The following TTI1 variants were observed in gnomAD, a reference collection of about 807,000 sequenced individuals.
TTI1 encodes TELO2-interacting protein 1 homolog.
TTI1 carries 52 observed loss-of-function variants against 85.4 expected under a neutral mutation model. That is an observed-to-expected ratio of 0.61 (90% CI 0.49 to 0.77). TTI1 has a LOEUF of 0.77. Among genes scored for constraint, TTI1 ranks in the 30% least tolerant of loss-of-function variants. The pLI, the probability that TTI1 is intolerant of heterozygous loss-of-function variation, is 0.00. For synonymous variants in TTI1, 512 were observed against 503.9 expected, an observed-to-expected ratio of 1.02 and a Z score of -0.22; for missense variants, 1,173 against 1,296.0, an observed-to-expected ratio of 0.91 and a Z score of 1.46.
At chr20:37,998,843 A>C (rs562060197) in intron 5 of TTI1, among the ~76,000 whole-genome samples, 2 of 152,278 alleles carry the variant, frequency 1.3e-5, no homozygotes, top group African/African-American at 4.8e-5. Context: ...ATCACTTACT[A>C]GCTGTTCGAT....
intron 1 of TTI1, among the ~76,000 whole-genome samples, chr20:38,032,653 T>C (rs770730732): frequency 7.2e-5 from 11 of 152,212 alleles, no homozygotes; most frequent in African/African-American, 1.4e-4. Flanking sequence ...GGCACGATCA[T>C]AGCTCACTGT....
chr20:38,030,829 T>C (rs977449601), intron 1 of TTI1, among the ~76,000 whole-genome samples: 8 of 152,196 alleles, frequency 5.3e-5, no homozygotes, highest in South Asian at 2.1e-4. Context: ...AACTGCCCCT[T>C]AGACATCTAT....
chr20:37,992,636 G>A (rs887807551), intron 7 of TTI1, among the ~76,000 whole-genome samples: 8 of 152,188 alleles, frequency 5.3e-5, no homozygotes, highest in Admixed American at 5.2e-4. Context: ...TTTTAGCCCA[G>A]GGTAAAAGGC....
chr20:37,991,106 T>A (rs2073258415), intron 7 of TTI1, among the ~76,000 whole-genome samples: 1 of 152,100 alleles, frequency 6.6e-6, no homozygotes, highest in Non-Finnish European at 1.5e-5. Context: ...TTTAGAACAA[T>A]GGGACTCAAA....
chr20:38,010,291 C>T (rs1289520746), intron 2 of TTI1, among the ~76,000 whole-genome samples: 1 of 152,106 alleles, frequency 6.6e-6, no homozygotes, highest in Non-Finnish European at 1.5e-5. Context: ...CAAAATGAGG[C>T]CAGTGACCAT....
Position 37,996,997 on chromosome 20 carries a change from C to G in TTI1, c.2794-44G>C, listed in dbSNP as rs759404562. 35 of 1,592,364 alleles carry G rather than the reference C, an allele frequency of 2.2e-5. 1 individual carries two copies. The Admixed American group carries it at 5.1e-4, about 23-fold the overall frequency. Reference sequence around the variant, plus strand: ...ACCTGGTGAGTGAACATTGCCAAGGCAGCAAGAGAGCTAAAGAATGCTTGG... The same window carrying G: ...ACCTGGTGAGTGAACATTGCCAAGGGAGCAAGAGAGCTAAAGAATGCTTGG... On this transcript the variant is annotated intron_variant, in intron 5 of 7. Coordinates refer to ENST00000373447, the MANE Select transcript of TTI1 (RefSeq NM_001303457.2).
At chr20:38,006,605 T>C (rs548705781) in intron 2 of TTI1, among the ~76,000 whole-genome samples, 13 of 152,240 alleles carry the variant, frequency 8.5e-5, no homozygotes, top group Non-Finnish European at 1.3e-4. Flanking sequence ...AACTCTTGCA[T>C]AGGCCGTTCT....
rs764472923 is a variant in TTI1 at position 38,011,804 on chromosome 20, A to G, written c.2013T>C (p.Ala671=). ...GDQTLLISQV[A]TSTMMDVCRA... ...GGCAAACGTCCATCATGGTGCTGGTAGCCACCTGACTAATGAGTAGGGTTT... is the reference window on the plus strand; with the variant it reads ...GGCAAACGTCCATCATGGTGCTGGTGGCCACCTGACTAATGAGTAGGGTTT... The change falls in exon 2 of 8, where the codon GCT becomes GCC. Residue 671 remains alanine, a synonymous_variant. Coordinates refer to ENST00000373447, the MANE Select transcript of TTI1 (RefSeq NM_001303457.2). 1.9e-6 allele frequency: 3 copies of G among 1,614,256 alleles called. No homozygotes were observed. In the Admixed American group the frequency reaches 5.0e-5, roughly 27 times the overall value.
chr20:38,025,156 A>T (rs2073820210), intron 1 of TTI1, among the ~76,000 whole-genome samples: 1 of 152,218 alleles, frequency 6.6e-6, no homozygotes, highest in African/African-American at 2.4e-5. Flanking sequence ...ACATTAGACT[A>T]AACAGCCTAA....
In TTI1 at chr20:38,012,167, T is replaced by C. The variant is rs758248079; in HGVS notation, c.1650A>G (p.Pro550=). Residue 550 remains proline, a synonymous_variant, in exon 2 of 8, where the codon CCA becomes CCG. Coordinates refer to ENST00000373447, the MANE Select transcript of TTI1 (RefSeq NM_001303457.2). ...ATGTCACAATCTCTCTCAGTTCTTCTGGGTTTGTTTTAATATGTTTTTCGT... is the reference window on the plus strand; with the variant it reads ...ATGTCACAATCTCTCTCAGTTCTTCCGGGTTTGTTTTAATATGTTTTTCGT... ...DLHEKHIKTN[P]EELREIVTSI... The C allele has an allele frequency of 6.2e-7, 1 of 1,614,216 alleles. No homozygotes were observed.
chr20:37,993,928 G>C (rs1483013706), intron 7 of TTI1, among the ~76,000 whole-genome samples: 1 of 152,212 alleles, frequency 6.6e-6, no homozygotes, highest in Non-Finnish European at 1.5e-5. Flanking sequence ...GAGGTCTGTT[G>C]TTCTGGTGGG....
chr20:37,989,197 T>G (rs1156534713), intron 7 of TTI1, among the ~76,000 whole-genome samples: 1 of 152,244 alleles, frequency 6.6e-6, no homozygotes, highest in African/African-American at 2.4e-5. Context: ...CAATTACCTT[T>G]GCAGCTATAC....
chr20:38,030,528 A>AAAACACACAC (rs2073892933), intron 1 of TTI1, among the ~76,000 whole-genome samples: 1 of 144,840 alleles, frequency 6.9e-6, no homozygotes, highest in African/African-American at 2.6e-5. Flanking sequence ...CAGTATGTAA[A>AAAACACACAC]ACACACACAC....
intron 7 of TTI1, among the ~76,000 whole-genome samples, chr20:37,984,603 C>T (rs557259130): frequency 6.6e-6 from 1 of 152,330 alleles, no homozygotes; most frequent in South Asian, 2.1e-4. Flanking sequence ...GCAGGGCCTC[C>T]CAGCCAGTCT....
chr20:38,001,127 T>C (rs893121261), intron 4 of TTI1, among the ~76,000 whole-genome samples: 1 of 152,180 alleles, frequency 6.6e-6, no homozygotes, highest in Non-Finnish European at 1.5e-5. Context: ...AAGACAGGGA[T>C]TGTGTCTGCA....
At chr20:38,023,036 T>C (rs966871911) in intron 1 of TTI1, among the ~76,000 whole-genome samples, 3 of 152,050 alleles carry the variant, frequency 2.0e-5, no homozygotes, top group Non-Finnish European at 4.4e-5. Context: ...GAGATAGGAG[T>C]TCAGATGTAA....
At position 38,012,790 on chromosome 20, in the gene TTI1, C is replaced by T; in HGVS notation, c.1027G>A (p.Glu343Lys). The change falls in exon 2 of 8, where the codon GAG (glutamate) becomes AAG (lysine). Residue 343 changes from glutamate (E) to lysine (K), a missense_variant. Coordinates refer to ENST00000373447, the MANE Select transcript of TTI1 (RefSeq NM_001303457.2). ...LKALVGLVND[E>K]SPEIQAQCNK... ...CACTGGGCTTGGATTTCAGGACTCT[C>T]ATCATTTACTAGTCCCACTAAGGCC... is the stretch of plus-strand genomic sequence containing the variant. 5 of 1,614,188 alleles carry T rather than the reference C, an allele frequency of 3.1e-6. No individual in the cohort carries two copies. Among genetic ancestry groups the T allele is most frequent in the Non-Finnish European group, 4.2e-6 (5 of 1,180,036 alleles).
chr20:37,990,399 G>A (rs1438586285), intron 7 of TTI1, among the ~76,000 whole-genome samples: 1 of 152,138 alleles, frequency 6.6e-6, no homozygotes, highest in Non-Finnish European at 1.5e-5. Flanking sequence ...TAACATACAT[G>A]CTTTTTTCGG....
chr20:38,018,183 T>C (rs924768873), intron 1 of TTI1, among the ~76,000 whole-genome samples: 5 of 152,076 alleles, frequency 3.3e-5, no homozygotes, highest in South Asian at 2.1e-4. Context: ...AGTTTAGTAG[T>C]CAAGAACTTT....
Sources: allele counts gnomAD v4.1 joint callset (sites outside exome capture counted in the v4.1 genomes callset), GRCh38; gene constraint gnomAD v4.1.1; transcripts MANE v1.5; gene names NCBI Gene and HGNC (gene_info 2026-07-23, HGNC 2026-07-21).